Variants in DNAH6 observed in about 807,000 individuals in gnomAD.
DNAH6 encodes axonemal beta dynein heavy chain 6.
In DNAH6, 340 loss-of-function variants were observed where a neutral mutation model predicts 491.4. That is an observed-to-expected ratio of 0.69 (90% CI 0.63 to 0.76). The LOEUF (loss-of-function observed/expected upper bound fraction) is 0.76. Among genes scored for constraint, DNAH6 ranks in the 30% least tolerant of loss-of-function variants. The pLI, the probability that DNAH6 is intolerant of heterozygous loss-of-function variation, is 0.00. For missense variants in DNAH6, 4,443 were observed against 4,972.2 expected, an observed-to-expected ratio of 0.89 and a Z score of 3.20; for synonymous variants, 1,603 against 1,686.1, an observed-to-expected ratio of 0.95 and a Z score of 1.21.
rs1236886782 is a variant in DNAH6, at chr2:84,669,410, T to C, written c.6206T>C (p.Leu2069Pro). The C allele has an allele frequency of 1.9e-6, 3 of 1,551,958 alleles. No individual in the cohort carries two copies. Among genetic ancestry groups the C allele is most frequent in the African/African-American group, 2.7e-5 (2 of 73,046 alleles). Reference protein sequence around the residue: ...YNRDVPFFEMLVPTTDTVRYG... With the variant: ...YNRDVPFFEMPVPTTDTVRYG... ...CGAGATGTTCCATTTTTTGAAATGC[T>C]TGTCCCCACAACTGACACAGTGCGC... The change falls in exon 38 of 77, where the codon CTT (leucine) becomes CCT (proline). Residue 2069 changes from leucine (L) to proline (P), a missense_variant. Physicochemically the swap from Leu to Pro is moderately conservative, Grantham distance 98. Around this residue, in one of 3 missense-constraint regions of DNAH6, gnomAD observed 2,977 missense variants for 3,296.6 expected, o/e 0.90. Transcript: ENST00000389394.
At position 84,692,209 on chromosome 2, in the gene DNAH6, C is replaced by T. The variant is rs527682804; in HGVS notation, c.7293-2040C>T. ...TTGAATGTGGAATTGATGGAGCACC[C>T]GCCAAATGCTATGCACTGTTCTCAT... is the stretch of plus-strand genomic sequence containing the variant. On this transcript the variant is annotated intron_variant, in intron 45 of 76. Transcript: ENST00000389394. Among the ~76,000 whole-genome samples, 9 of 152,268 alleles carry T rather than the reference C, an allele frequency of 5.9e-5. No individual in the cohort carries two copies. The East Asian group carries it at 1.2e-3, about 20-fold the overall frequency.
Position 84,642,065 on chromosome 2 carries a change from A to G in DNAH6, c.5078+11A>G. ...TGCTCTTCTGTTCAGGTAAGTTTGT[A>G]GACATTACCAAGTAAAGCATGGCTA... is the stretch of plus-strand genomic sequence containing the variant. On this transcript the variant is annotated intron_variant, in intron 33 of 76. Coordinates refer to ENST00000389394, the MANE Select transcript of DNAH6 (RefSeq NM_001370.2). The G allele has an allele frequency of 6.6e-7, 1 of 1,517,322 alleles. No homozygotes were observed. The highest frequency in any genetic ancestry group is 1.2e-5 in the South Asian group (1 of 82,790). 94.0% of individuals were successfully genotyped at this position (1,517,322 alleles called of 1,614,324 possible).
chr2:84,646,983 G>C (rs1480425750), intron 33 of DNAH6, among the ~76,000 whole-genome samples: 2 of 152,126 alleles, frequency 1.3e-5, no homozygotes, highest in Non-Finnish European at 2.9e-5. Context: ...GAGTAGCTGG[G>C]ACTACAGGCA....
At chr2:84,641,650 C>T (rs145434793) in intron 32 of DNAH6, among the ~76,000 whole-genome samples, 1 of 152,318 alleles carries the variant, frequency 6.6e-6, no homozygotes, top group Non-Finnish European at 1.5e-5. Flanking sequence ...AAAAGAAAAT[C>T]ACAGCGATAG....
chr2:84,806,710 T>C (rs991236860), intron 71 of DNAH6, among the ~76,000 whole-genome samples: 1 of 151,532 alleles, frequency 6.6e-6, no homozygotes, highest in African/African-American at 2.4e-5. Context: ...GATTTAGATG[T>C]CTTCATTATT....
chr2:84,502,441 C>T, the DNAH6 span, among the ~76,000 whole-genome samples: 16 of 152,136 alleles, frequency 1.1e-4, no homozygotes, highest in Non-Finnish European at 2.2e-4. Context: ...CCTAACATAT[C>T]GGCTTTCCCT....
In DNAH6 at chr2:84,701,117, TTC is replaced by T; in HGVS notation, c.7841_7842del (p.Ser2614CysfsTer14). On this transcript the variant is annotated frameshift_variant, in exon 49 of 77. Coordinates refer to ENST00000389394, the MANE Select transcript of DNAH6 (RefSeq NM_001370.2). LOFTEE classifies it high-confidence loss of function. Reference sequence around the variant, plus strand: ...CACAGTGGCCCAGAGAAGCACTTCTTTCTGTGTCAAAGACATTTTTCTCACAA... The same window carrying T: ...CACAGTGGCCCAGAGAAGCACTTCTTTGTGTCAAAGACATTTTTCTCACAA... ...FVQWPREALL[S>X]VSKTFFSQVD... 1 of 1,551,396 alleles carries T rather than the reference TTC, an allele frequency of 6.4e-7. No individual in the cohort carries two copies. Among genetic ancestry groups the T allele is most frequent in the Non-Finnish European group, 8.7e-7 (1 of 1,146,458 alleles).
Position 84,796,317 on chromosome 2 carries a change from T to C in DNAH6, c.11251T>C (p.Tyr3751His). Reference sequence around the variant, plus strand: ...AAATTTCTTTTCAGGTGAAATTACTTATGGTGGTAGAGTCACAGACAGCTG... The same window carrying C: ...AAATTTCTTTTCAGGTGAAATTACTCATGGTGGTAGAGTCACAGACAGCTG... ...ALIYITGEIT[Y>H]GGRVTDSWDQ... The change falls in exon 69 of 77, where the codon TAT becomes CAT. Residue 3751 changes from tyrosine (Y) to histidine (H), a missense_variant. By Grantham distance (83) the Tyr-to-His change is moderately conservative. This residue lies in a region of DNAH6 where 1,463 missense variants were observed against 1,656.6 expected (regional missense o/e 0.88). Transcript: ENST00000389394. The C allele has an allele frequency of 5.4e-6, 8 of 1,489,068 alleles. No individual in the cohort carries two copies. The highest frequency in any genetic ancestry group is 7.2e-6 in the Non-Finnish European group (8 of 1,116,682). 92.2% of individuals were successfully genotyped at this position (1,489,068 alleles called of 1,614,324 possible). A position where few individuals can be genotyped will look rare whatever the true frequency, so the allele number is the denominator to read the frequency against.
intron 33 of DNAH6, among the ~76,000 whole-genome samples, chr2:84,649,293 T>C (rs1423484109): frequency 2.0e-5 from 3 of 152,194 alleles, no homozygotes; most frequent in African/African-American, 7.2e-5. Context: ...AGGATGCTTA[T>C]ATATAAATAT....
intron 62 of DNAH6, among the ~76,000 whole-genome samples, chr2:84,735,249 A>G (rs1161924019): frequency 2.0e-5 from 3 of 152,206 alleles, no homozygotes; most frequent in Admixed American, 1.3e-4. Flanking sequence ...CTATGGTTGC[A>G]TAGTATTCCA....
Position 84,674,994 on chromosome 2 carries a change from G to A in DNAH6, c.6613-2011G>A, listed in dbSNP as rs542623242. Among the ~76,000 whole-genome samples the A allele has an allele frequency of 2.4e-3, 366 of 152,196 alleles. 2 individuals are homozygous for A. Among genetic ancestry groups the A allele is most frequent in the African/African-American group, 8.4e-3 (349 of 41,516 alleles). On this transcript the variant is annotated intron_variant, in intron 40 of 76. Transcript: ENST00000389394. ...TTCTGAAGGCACCCATATCCCCCAC[G>A]GCATGCCTTTGTGATGGTGTCCTCT...
chr2:84,460,098 G>A, the DNAH6 span: 1 of 152,204 alleles, frequency 6.6e-6, no homozygotes, highest in Non-Finnish European at 1.5e-5. Context: ...GTAAACAAGA[G>A]ATGAAGTAAT....
At chr2:84,578,173 T>C (rs146553545) in intron 13 of DNAH6, among the ~76,000 whole-genome samples, 1 of 152,260 alleles carries the variant, frequency 6.6e-6, no homozygotes, top group East Asian at 1.9e-4. Context: ...GAGCACTGTA[T>C]AAAAAAGAGT....
intron 29 of DNAH6, among the ~76,000 whole-genome samples, chr2:84,627,502 A>G (rs1687991636): frequency 6.6e-6 from 1 of 152,214 alleles, no homozygotes; most frequent in Non-Finnish European, 1.5e-5. Context: ...GCATTTTGCT[A>G]ATGATAAAAC....
Position 84,762,742 on chromosome 2 carries a change from T to C in DNAH6, c.10513-13T>C. ...CTCATTCAACATACTTTTTTTTTCT[T>C]TTCAACTTTCAGGTGGTTTTTGCTC... On this transcript the variant is annotated splice_polypyrimidine_tract_variant and intron_variant, in intron 63 of 76. Coordinates refer to ENST00000389394, the MANE Select transcript of DNAH6 (RefSeq NM_001370.2). The C allele has an allele frequency of 3.3e-6, 5 of 1,532,796 alleles. No homozygotes were observed. The highest frequency in any genetic ancestry group is 4.4e-6 in the Non-Finnish European group (5 of 1,137,358). The allele number at this position is 1,532,796 out of a possible 1,614,324, so 94.9% of individuals were successfully genotyped here.
chr2:84,592,608 G>A (rs1307122337), intron 16 of DNAH6, among the ~76,000 whole-genome samples: 1 of 152,088 alleles, frequency 6.6e-6, no homozygotes, highest in Non-Finnish European at 1.5e-5. Flanking sequence ...ATTGAATCAG[G>A]CTCTTAAAGA....
chr2:84,597,685 A>G (rs893688673), intron 18 of DNAH6, among the ~76,000 whole-genome samples: 1 of 152,268 alleles, frequency 6.6e-6, no homozygotes, highest in African/African-American at 2.4e-5. Flanking sequence ...ATTGTTCATA[A>G]TAGCCAAAAG....
chr2:84,562,100 TAAGAG>T (rs1022375653), intron 11 of DNAH6, among the ~76,000 whole-genome samples: 1 of 151,784 alleles, frequency 6.6e-6, no homozygotes, highest in Non-Finnish European at 1.5e-5. Context: ...AGGAGGAGAA[TAAGAG>T]AAAAGTAGAA....
chr2:84,528,840 T>C, intron 3 of DNAH6, 64 bp from the exon 4 acceptor site: 3 of 1,412,812 alleles, frequency 2.1e-6, no homozygotes, highest in South Asian at 2.8e-5. Context: ...GGTAATATTT[T>C]GTTGCTCTTG....
Sources: gnomAD v4.1 joint callset for allele counts (sites outside exome capture counted in the v4.1 genomes callset) on GRCh38, gnomAD v4.1.1 for gene constraint, gnomAD v4.1.1 regional missense constraint, MANE v1.5 for transcripts, NCBI Gene and HGNC (gene_info 2026-07-23, HGNC 2026-07-21) for gene names.